Variants in DNAJC11 observed in about 807,000 individuals in gnomAD.
The protein encoded by DNAJC11 is DnaJ heat shock protein family (Hsp40) member C11, also known as dnaJ homolog subfamily C member 11.
DNAJC11 carries 15 observed loss-of-function variants against 78.6 expected under a neutral mutation model. The ratio of observed to expected loss-of-function variants is 0.19; its 90% CI spans 0.13 to 0.29. The LOEUF (loss-of-function observed/expected upper bound fraction) is 0.29, where lower values mean the gene tolerates loss of function less well. Among genes scored for constraint, DNAJC11 ranks in the 10% least tolerant of loss-of-function variants. DNAJC11 has a pLI of 1.00. For synonymous variants in DNAJC11, 292 were observed against 272.1 expected (o/e 1.07, Z -0.72); for missense variants, 547 against 709.6 (o/e 0.77, Z 2.60).
At chr1:6,669,513 TAGAAAAGAA>T (rs1454404311) in intron 3 of DNAJC11, among the ~76,000 whole-genome samples, 9 of 121,782 alleles carry the variant, frequency 7.4e-5, no homozygotes, top group South Asian at 2.9e-4. Flanking sequence ...AACTCTGTCT[TAGAAAAGAA>T]AAGAAAAGAA....
intron 4 of DNAJC11, 84 bp downstream of exon 4, chr1:6,667,625 C>T: frequency 8.9e-7 from 1 of 1,123,380 alleles, no homozygotes; most frequent in Admixed American, 1.9e-5. Context: ...TAACAATCCA[C>T]CAGCACCTCA....
chr1:6,645,045 G>C lies in DNAJC11; in HGVS notation c.976C>G (p.Leu326Val). 6.2e-7 allele frequency: 1 copy of C among 1,613,974 alleles called. No individual in the cohort carries two copies. The highest frequency in any genetic ancestry group is 8.5e-7 in the Non-Finnish European group (1 of 1,179,906). ...TTTAGCCAGGCCAGGACTTACTTGA[G>C]GGATCCTTTCACACGAGTCTGATCG... is the stretch of plus-strand genomic sequence containing the variant. ...DDDQTRVKGSLKAGFFGTVVE... is the reference protein window; with the variant it reads ...DDDQTRVKGSVKAGFFGTVVE... Residue 326 changes from leucine (L) to valine (V), a missense_variant, in exon 9 of 16, where the codon CTC becomes GTC. Leu to Val is a conservative substitution (Grantham distance 32). Transcript: ENST00000377577. The surrounding 1 kb of genome is among the most constrained non-coding windows in gnomAD (Gnocchi z 4.1).
intron 1 of DNAJC11, among the ~76,000 whole-genome samples, chr1:6,694,809 C>CAA (rs754185823): frequency 2.6e-5 from 3 of 114,114 alleles, no homozygotes; most frequent in South Asian, 5.5e-4. Flanking sequence ...ACTAAAAATA[C>CAA]AAAAAAAAAA....
chr1:6,652,739 G>T, intron 6 of DNAJC11, 90 bp downstream of exon 6: 1 of 1,563,538 alleles, frequency 6.4e-7, no homozygotes, highest in South Asian at 1.2e-5. Context: ...GGGGCCCCCA[G>T]GGTGAGTTTG....
chr1:6,650,150 C>T (rs530092899), intron 7 of DNAJC11, among the ~76,000 whole-genome samples: 4 of 151,780 alleles, frequency 2.6e-5, no homozygotes, highest in South Asian at 2.1e-4. Flanking sequence ...GTGGTGCACA[C>T]CTGTAGTCCC....
Position 6,701,793 on chromosome 1 carries a change from G to C in DNAJC11, c.8C>G (p.Thr3Arg). Reference protein sequence around the residue: MATALSEEELDNE... With the variant: MARALSEEELDNE... ...GTCCAGCTCCTCCTCGCTCAAGGCC[G>C]TCGCCATCTTCGCAACCTTTCACCC... Residue 3 changes from threonine to arginine, a missense_variant, in exon 1 of 16, where the codon ACG becomes AGG. Thr to Arg is a moderately conservative substitution (Grantham distance 71, BLOSUM62 -1). Transcript: ENST00000377577. The C allele has an allele frequency of 6.4e-7, 1 of 1,560,888 alleles. No homozygotes were observed. Among genetic ancestry groups the C allele is most frequent in the Non-Finnish European group, 8.6e-7 (1 of 1,156,116 alleles).
chr1:6,643,383 C>T (rs1311689255), intron 10 of DNAJC11, among the ~76,000 whole-genome samples: 1 of 150,952 alleles, frequency 6.6e-6, no homozygotes, highest in Non-Finnish European at 1.5e-5. Flanking sequence ...TCACACCATT[C>T]TCCTGCCTCA....
At chr1:6,671,766 T>C (rs936882973) in intron 3 of DNAJC11, among the ~76,000 whole-genome samples, 3 of 152,132 alleles carry the variant, frequency 2.0e-5, no homozygotes, top group Admixed American at 1.3e-4. Flanking sequence ...TCTCCTGACC[T>C]CGTGATCTGC....
chr1:6,659,555 T>C (rs1425341583), intron 4 of DNAJC11, among the ~76,000 whole-genome samples: 3 of 142,466 alleles, frequency 2.1e-5, no homozygotes, highest in African/African-American at 5.3e-5. Flanking sequence ...AGGTCAGGAG[T>C]TTGAGACCAG....
rs775675083 is a variant in DNAJC11 at position 6,635,648 on chromosome 1, C to T, written c.*27G>A. 5 of 1,612,014 alleles carry T rather than the reference C, an allele frequency of 3.1e-6. No individual in the cohort carries two copies. The highest frequency in any genetic ancestry group is 2.2e-5 in the South Asian group (2 of 90,646). Reference sequence around the variant, plus strand: ...ACTCCCAGGAAAAGATTTTTTGCGGCCTTTTAAAAATCTGGTTCTTGGCAG... The same window carrying T: ...ACTCCCAGGAAAAGATTTTTTGCGGTCTTTTAAAAATCTGGTTCTTGGCAG... On this transcript the variant is annotated 3_prime_UTR_variant, in exon 16 of 16. Coordinates refer to ENST00000377577, the MANE Select transcript of DNAJC11 (RefSeq NM_018198.4).
intron 4 of DNAJC11, among the ~76,000 whole-genome samples, chr1:6,663,553 C>T (rs921525291): frequency 2.0e-5 from 3 of 152,142 alleles, no homozygotes; most frequent in African/African-American, 4.8e-5. Context: ...GCAAGAAATG[C>T]GGATGGATTA....
chr1:6,648,603 T>A (rs1642003127), intron 7 of DNAJC11, among the ~76,000 whole-genome samples: 1 of 152,114 alleles, frequency 6.6e-6, no homozygotes, highest in Non-Finnish European at 1.5e-5. Context: ...ATTACAGGTG[T>A]GTGCTACCAC....
At chr1:6,661,792 A>G (rs1034626836) in intron 4 of DNAJC11, among the ~76,000 whole-genome samples, 1 of 152,240 alleles carries the variant, frequency 6.6e-6, no homozygotes, top group Non-Finnish European at 1.5e-5. Flanking sequence ...AACAGACTGA[A>G]GTCATAACCA....
intron 4 of DNAJC11, among the ~76,000 whole-genome samples, chr1:6,662,917 C>G (rs928457286): frequency 6.6e-6 from 1 of 152,150 alleles, no homozygotes; most frequent in African/African-American, 2.4e-5. Flanking sequence ...GCTGCTCACT[C>G]TGGGTCCGCA....
At chr1:6,660,737 G>A (rs1294834513) in intron 4 of DNAJC11, among the ~76,000 whole-genome samples, 2 of 152,132 alleles carry the variant, frequency 1.3e-5, no homozygotes, top group African/African-American at 2.4e-5. Flanking sequence ...ATTTCTCCCT[G>A]TTAAATGTTA....
At chr1:6,678,548 A>G in intron 2 of DNAJC11, 81 bp from the exon 3 acceptor site, 3 of 1,128,248 alleles carry the variant, frequency 2.7e-6, no homozygotes, top group Non-Finnish European at 3.9e-6. Flanking sequence ...ATCATTAGGT[A>G]AGCCCATCTC....
chr1:6,667,646 C>G (rs1642312652), intron 4 of DNAJC11, 63 bp downstream of exon 4: 8 of 1,363,798 alleles, frequency 5.9e-6, no homozygotes, highest in Non-Finnish European at 8.4e-6. Context: ...TTATTTCAGA[C>G]CTGGCTTCTA....
Position 6,671,698 on chromosome 1 carries a change from A to AT in DNAJC11, c.277-3889dup, listed in dbSNP as rs200018119. Reference sequence around the variant, plus strand: ...AGGCATCCGCCACCACGCCCGGCTAATTTTTTTGTATTTTTAGTACAGACT... The same window carrying AT: ...AGGCATCCGCCACCACGCCCGGCTAATTTTTTTTGTATTTTTAGTACAGACT... On this transcript the variant is annotated intron_variant, in intron 3 of 15. Coordinates refer to ENST00000377577, the MANE Select transcript of DNAJC11 (RefSeq NM_018198.4). Among the ~76,000 whole-genome samples the AT allele has an allele frequency of 7.3e-3, 971 of 132,954 alleles. 8 individuals are homozygous for AT. The highest frequency in any genetic ancestry group is 0.025 in the African/African-American group (921 of 36,438). 87.2% of individuals were successfully genotyped at this position (132,954 alleles called of 152,430 possible).
At chr1:6,637,986 C>G (rs1398347849) in intron 12 of DNAJC11, 3 of 391,484 alleles carry the variant, frequency 7.7e-6, no homozygotes, top group Non-Finnish European at 4.6e-6. Flanking sequence ...CCCATGGCCA[C>G]CTGGCAGTAT....
Sources: gnomAD v4.1 joint callset for allele counts (sites outside exome capture counted in the v4.1 genomes callset) on GRCh38, gnomAD v4.1.1 for gene constraint, Gnocchi (gnomAD v3.1) non-coding constraint, MANE v1.5 for transcripts, NCBI Gene and HGNC (gene_info 2026-07-23, HGNC 2026-07-21) for gene names.